OR6C2: variants seen among roughly 807,000 people sequenced by gnomAD.
OR6C2 encodes the protein olfactory receptor family 6 subfamily C member 2, also known as olfactory receptor 6C2.
For missense variants in OR6C2, 435 were observed against 365.8 expected, an observed-to-expected ratio of 1.19 and a Z score of -1.54; for synonymous variants, 146 against 134.2, an observed-to-expected ratio of 1.09 and a Z score of -0.61.
rs779723065 is a variant in OR6C2 at position 55,452,916 on chromosome 12, G to T, written c.703G>T (p.Ala235Ser). ...KFPSVQQRKK[A>S]FSTCSSHMIV... is the part of the protein sequence containing the mutation. ...CCCTTCTGTTCAGCAAAGGAAAAAG[G>T]CCTTTTCTACCTGTTCATCCCACAT... The change falls in exon 2 of 2, where the codon GCC (alanine) becomes TCC (serine). Residue 235 changes from alanine to serine, a missense_variant. By Grantham distance (99) the Ala-to-Ser change is moderately conservative. Transcript: ENST00000641202. The T allele has an allele frequency of 4.3e-6, 7 of 1,613,604 alleles. No individual in the cohort carries two copies. The African/African-American group carries it at 8.0e-5, about 18-fold the overall frequency.
At chr12:55,449,719 A>G (rs893300649) in intron 1 of OR6C2, among the ~76,000 whole-genome samples, 3 of 151,826 alleles carry the variant, frequency 2.0e-5, no homozygotes, top group African/African-American at 7.3e-5. Flanking sequence ...AATTCTGGAA[A>G]AAAGGAAAAA....
intron 1 of OR6C2, among the ~76,000 whole-genome samples, chr12:55,450,151 C>G (rs143705408): frequency 6.6e-6 from 1 of 151,844 alleles, no homozygotes; most frequent in Admixed American, 6.6e-5. Flanking sequence ...CAGAAACATA[C>G]GGGAGAAATA....
Position 55,452,016 on chromosome 12 carries a change from T to G in OR6C2, c.-198T>G, listed in dbSNP as rs998968995. 6 of 440,090 alleles carry G rather than the reference T, an allele frequency of 1.4e-5. No individual in the cohort carries two copies. Among genetic ancestry groups the G allele is most frequent in the Non-Finnish European group, 2.4e-5 (6 of 250,320 alleles). 27.3% of individuals were successfully genotyped at this position (440,090 alleles called of 1,614,324 possible). A position where few individuals can be genotyped will look rare whatever the true frequency, so the allele number is the denominator to read the frequency against. On this transcript the variant is annotated 5_prime_UTR_variant, in exon 2 of 2. Coordinates refer to ENST00000641202, the MANE Select transcript of OR6C2 (RefSeq NM_054105.2). ...CAAAACTTGATTTCTTAAGGAGATA[T>G]CCACTGCTCATATATGTGAAATTTA... is the stretch of plus-strand genomic sequence containing the variant.
chr12:55,452,743 G>C lies in OR6C2; in HGVS notation c.530G>C (p.Cys177Ser). The change falls in exon 2 of 2, where the codon TGT (cysteine) becomes TCT (serine). Residue 177 changes from cysteine to serine, a missense_variant. Coordinates refer to ENST00000641202, the MANE Select transcript of OR6C2 (RefSeq NM_054105.2). ...CDSNAIDHFS[C>S]DAGPLLKISC... ...TCCAATGCCATTGATCATTTTAGCT[G>C]TGATGCAGGTCCTCTCCTAAAGATC... is the stretch of plus-strand genomic sequence containing the variant. 1.1e-5 allele frequency: 17 copies of C among 1,613,808 alleles called. No homozygotes were observed. The highest frequency in any genetic ancestry group is 1.4e-5 in the Non-Finnish European group (17 of 1,179,812).
At chr12:55,448,657 A>AAAAAAAAAAAC (rs1871411726) in intron 1 of OR6C2, among the ~76,000 whole-genome samples, 1 of 146,548 alleles carries the variant, frequency 6.8e-6, no homozygotes, top group East Asian at 2.0e-4. Context: ...AAAAAAAAAA[A>AAAAAAAAAAAC]AAGAAAGAAA....
intron 1 of OR6C2, among the ~76,000 whole-genome samples, chr12:55,449,113 G>A (rs1205613628): frequency 2.0e-5 from 3 of 151,788 alleles, no homozygotes; most frequent in Admixed American, 1.3e-4. Flanking sequence ...AGGAGTGTTG[G>A]TATGAAAGAA....
At chr12:55,448,700 G>A (rs1385765313) in intron 1 of OR6C2, among the ~76,000 whole-genome samples, 1 of 134,382 alleles carries the variant, frequency 7.4e-6, no homozygotes, top group Non-Finnish European at 1.6e-5. Context: ...TGCTATTGTA[G>A]CGTTGTTTTC....
At position 55,452,961 on chromosome 12, in the gene OR6C2, T is replaced by C; in HGVS notation, c.748T>C (p.Tyr250His). 2.5e-6 allele frequency: 4 copies of C among 1,613,696 alleles called. No individual in the cohort carries two copies. The highest frequency in any genetic ancestry group is 3.4e-6 in the Non-Finnish European group (4 of 1,179,714). Residue 250 changes from tyrosine (Y) to histidine (H), a missense_variant, in exon 2 of 2, where the codon TAT (tyrosine) becomes CAT (histidine). Tyr to His is a moderately conservative substitution (Grantham distance 83). Coordinates refer to ENST00000641202, the MANE Select transcript of OR6C2 (RefSeq NM_054105.2). ...CCACATGATTGTGGTTTCCATTGCCTATGGAAGCTGCATCTTCATCTATAT... is the reference window on the plus strand; with the variant it reads ...CCACATGATTGTGGTTTCCATTGCCCATGGAAGCTGCATCTTCATCTATAT... The part of the protein sequence containing the change: ...SSHMIVVSIA[Y>H]GSCIFIYIKP...
intron 1 of OR6C2, among the ~76,000 whole-genome samples, chr12:55,449,509 G>T (rs935960782): frequency 6.6e-6 from 1 of 151,754 alleles, no homozygotes; most frequent in Non-Finnish European, 1.5e-5. Context: ...AAGAGTATTA[G>T]GATATCTTTG....
chr12:55,444,593 T>G (rs1206813043), intron 1 of OR6C2, among the ~76,000 whole-genome samples: 1 of 152,182 alleles, frequency 6.6e-6, no homozygotes, highest in Non-Finnish European at 1.5e-5. Context: ...AATGTCTAAG[T>G]GACACTAAGA....
intron 1 of OR6C2, among the ~76,000 whole-genome samples, chr12:55,448,643 C>CAAAAAAAAAATAAATAAATAAATAAAAAA (rs1555179340): frequency 2.8e-5 from 2 of 71,724 alleles, no homozygotes; most frequent in African/African-American, 1.0e-4. Flanking sequence ...CCATTCACTG[C>CAAAAAAAAAATAAATAAATAAATAAAAAA]AAAAAAAAAA....
At position 55,452,719 on chromosome 12, in the gene OR6C2, C is replaced by A. The variant is rs773721029; in HGVS notation, c.506C>A (p.Ser169Tyr). 9.3e-6 allele frequency: 15 copies of A among 1,613,696 alleles called. No individual in the cohort carries two copies. The East Asian group carries it at 3.1e-4, about 34-fold the overall frequency. Residue 169 changes from serine (S) to tyrosine (Y), a missense_variant, in exon 2 of 2, where the codon TCC becomes TAC. Transcript: ENST00000641202. ...SLGLQLEFCD[S>Y]NAIDHFSCDA... ...GGCCTCCAGCTCGAATTCTGTGACT[C>A]CAATGCCATTGATCATTTTAGCTGT...
In OR6C2 at chr12:55,452,099, T is replaced by C. The variant is rs1592298754; in HGVS notation, c.-115T>C. The C allele has an allele frequency of 1.5e-5, 9 of 595,342 alleles. No individual in the cohort carries two copies. In the South Asian group the frequency reaches 1.9e-4, roughly 13 times the overall value. 36.9% of individuals were successfully genotyped at this position (595,342 alleles called of 1,614,324 possible). On this transcript the variant is annotated 5_prime_UTR_variant, in exon 2 of 2. Transcript: ENST00000641202. Reference sequence around the variant, plus strand: ...ATTCTATAAAGGGAGAAAATAAAAGTAGGCTGGTCAGCTTGGCTTCTAGAT... The same window carrying C: ...ATTCTATAAAGGGAGAAAATAAAAGCAGGCTGGTCAGCTTGGCTTCTAGAT...
chr12:55,452,480 C>T lies in OR6C2; in HGVS notation c.267C>T (p.Thr89=), dbSNP rs371824083. 8 of 1,613,666 alleles carry T rather than the reference C, an allele frequency of 5.0e-6. No individual in the cohort carries two copies. The highest frequency in any genetic ancestry group is 1.1e-5 in the South Asian group (1 of 91,082). The change falls in exon 2 of 2, where the codon ACC becomes ACT. Residue 89 remains threonine, a synonymous_variant. Coordinates refer to ENST00000641202, the MANE Select transcript of OR6C2 (RefSeq NM_054105.2). ...FLYNISMGDN[T]ITYNACASQI... is the part of the protein sequence containing the mutation. ...ACAATATATCAATGGGGGACAATACCATTACCTACAATGCTTGTGCCAGTC... is the reference window on the plus strand; with the variant it reads ...ACAATATATCAATGGGGGACAATACTATTACCTACAATGCTTGTGCCAGTC...
At chr12:55,444,546 T>A (rs1871330414) in intron 1 of OR6C2, among the ~76,000 whole-genome samples, 1 of 152,136 alleles carries the variant, frequency 6.6e-6, no homozygotes, top group Admixed American at 6.6e-5. Flanking sequence ...AATAATTCAA[T>A]CCCTCATATT....
intron 1 of OR6C2, among the ~76,000 whole-genome samples, chr12:55,445,067 A>C (rs1054048269): frequency 6.6e-6 from 1 of 152,188 alleles, no homozygotes; most frequent in Non-Finnish European, 1.5e-5. Context: ...TGGGGGCAGT[A>C]AGGTAATCAA....
In OR6C2 at chr12:55,452,640, G is replaced by A; in HGVS notation, c.427G>A (p.Val143Ile). Residue 143 changes from valine (V) to isoleucine (I), a missense_variant, in exon 2 of 2, where the codon GTT (valine) becomes ATT (isoleucine). Transcript: ENST00000641202. ...GAACAACAGGGTGTGTACCTTATTA[G>A]TTCTCTGCTGTTGGGTGGCTGGCTT... ...IMNNRVCTLL[V>I]LCCWVAGLMI... 6.2e-7 allele frequency: 1 copy of A among 1,613,750 alleles called. No homozygotes were observed. Among genetic ancestry groups the A allele is most frequent in the East Asian group, 2.2e-5 (1 of 44,866 alleles).
intron 1 of OR6C2, among the ~76,000 whole-genome samples, chr12:55,447,408 C>A (rs996652594): frequency 5.3e-5 from 8 of 151,738 alleles, no homozygotes; most frequent in Non-Finnish European, 8.8e-5. Flanking sequence ...TAACTATAGG[C>A]ACCATGTTGT....
rs529957115 is a variant in OR6C2, at chr12:55,451,514, A to G, written c.-700A>G. 6.6e-6 allele frequency: 1 copy of G among 152,242 alleles called. No homozygotes were observed. Among genetic ancestry groups the G allele is most frequent in the South Asian group, 2.1e-4 (1 of 4,830 alleles). 9.4% of individuals were successfully genotyped at this position (152,242 alleles called of 1,614,324 possible). On this transcript the variant is annotated 5_prime_UTR_variant, in exon 2 of 2. Transcript: ENST00000641202. ...ATTTGCTTCTGGAGCTTGAAAGGAA[A>G]GGAATCACAACTGAACATCAAATGA...
Sources: gnomAD v4.1 joint callset for allele counts (sites outside exome capture counted in the v4.1 genomes callset) on GRCh38, gnomAD v4.1.1 for gene constraint, MANE v1.5 for transcripts, NCBI Gene and HGNC (gene_info 2026-07-23, HGNC 2026-07-21) for gene names.